Variants in EVI5 observed in about 807,000 individuals in gnomAD.
EVI5 encodes ecotropic viral integration site 5 protein homolog.
A neutral mutation model predicts 112.0 loss-of-function variants in EVI5; 73 were observed. That is an observed-to-expected ratio of 0.65 (90% CI 0.54 to 0.79). The LOEUF (loss-of-function observed/expected upper bound fraction) is 0.79, where lower values mean the gene tolerates loss of function less well. Ranked by LOEUF, EVI5 falls within the 30% of genes least tolerant of loss-of-function variation. EVI5 has a pLI of 0.00. For missense variants in EVI5, 900 were observed against 968.8 expected, an observed-to-expected ratio of 0.93 and a Z score of 0.94; for synonymous variants, 305 against 319.9, an observed-to-expected ratio of 0.95 and a Z score of 0.50.
At chr1:92,648,229 C>A (rs1427135170) in intron 13 of EVI5, among the ~76,000 whole-genome samples, 1 of 138,524 alleles carries the variant, frequency 7.2e-6, no homozygotes, top group Non-Finnish European at 1.6e-5. Context: ...CAAAAACCAG[C>A]CGGGCATGGT....
At position 92,607,567 on chromosome 1, in the gene EVI5, G is replaced by A; in HGVS notation, c.1974+14C>T. ...TATTGACAAAAAACAAAATCAGTTA[G>A]TTGACATATTTACCTTGCATTCAAT... On this transcript the variant is annotated intron_variant, in intron 17 of 19. Transcript: ENST00000684568. 3 of 1,537,254 alleles carry A rather than the reference G, an allele frequency of 2.0e-6. No individual in the cohort carries two copies. In the South Asian group the frequency reaches 3.8e-5, roughly 20 times the overall value.
rs1426285718 is a variant in EVI5, at chr1:92,676,049, C to T, written c.1158+1109G>A. ...AAAAAAAAAAAAAGGAAGGAAAAAACATCCACAGGGGTCTTTTCTATATAT... is the reference window on the plus strand; with the variant it reads ...AAAAAAAAAAAAAGGAAGGAAAAAATATCCACAGGGGTCTTTTCTATATAT... On this transcript the variant is annotated intron_variant, in intron 10 of 19. Coordinates refer to ENST00000684568, the MANE Select transcript of EVI5 (RefSeq NM_001350197.2). Among the ~76,000 whole-genome samples, 5 of 137,714 alleles carry T rather than the reference C, an allele frequency of 3.6e-5. No individual in the cohort carries two copies. In the East Asian group the frequency reaches 1.1e-3, roughly 30 times the overall value. The allele number at this position is 137,714 out of a possible 152,430, so 90.3% of individuals were successfully genotyped here. A position where few individuals can be genotyped will look rare whatever the true frequency, so the allele number is the denominator to read the frequency against.
chr1:92,673,514 T>C (rs1666217834), intron 10 of EVI5, among the ~76,000 whole-genome samples: 1 of 152,126 alleles, frequency 6.6e-6, no homozygotes, highest in African/African-American at 2.4e-5. Context: ...TTTTTTAAAA[T>C]TGAGATGGGG....
At chr1:92,655,647 C>A (rs1275905511) in intron 13 of EVI5, among the ~76,000 whole-genome samples, 6 of 152,104 alleles carry the variant, frequency 3.9e-5, no homozygotes, top group African/African-American at 7.2e-5. Context: ...CCCACACCAA[C>A]AGAAACCAAA....
intron 19 of EVI5, among the ~76,000 whole-genome samples, chr1:92,557,847 C>T (rs1014830224): frequency 4.6e-5 from 7 of 151,960 alleles, no homozygotes; most frequent in African/African-American, 1.7e-4. Context: ...ACCTCAGCTT[C>T]CCAAGTAGCT....
chr1:92,514,041 C>A, intron 19 of EVI5, 71 bp from the exon 20 acceptor site: 2 of 923,180 alleles, frequency 2.2e-6, no homozygotes, highest in Non-Finnish European at 3.3e-6. Context: ...GCAAACATTC[C>A]ATGTTTAAGG....
At chr1:92,716,324 A>T (rs1673679358) in intron 2 of EVI5, among the ~76,000 whole-genome samples, 1 of 152,182 alleles carries the variant, frequency 6.6e-6, no homozygotes, top group Non-Finnish European at 1.5e-5. Context: ...ACCCAGGCAA[A>T]CAGGGTCTGG....
chr1:92,554,958 C>T (rs1280046060), intron 19 of EVI5, among the ~76,000 whole-genome samples: 1 of 152,040 alleles, frequency 6.6e-6, no homozygotes, highest in Non-Finnish European at 1.5e-5. Context: ...TCCAGCTGGG[C>T]CACAGAGCAA....
rs890956089 is a variant in EVI5 at position 92,746,231 on chromosome 1, C to T, written c.-81-9604G>A. Among the ~76,000 whole-genome samples the T allele has an allele frequency of 5.9e-5, 9 of 152,322 alleles. 1 individual carries two copies. Among genetic ancestry groups the T allele is most frequent in the Admixed American group, 3.9e-4 (6 of 15,296 alleles). ...TCTGAACTTATTCTGGTTCTGAAGG[C>T]TGTCCGAGTTGTGAATCGTTCTTTG... On this transcript the variant is annotated intron_variant, in intron 1 of 19. Coordinates refer to ENST00000684568, the MANE Select transcript of EVI5 (RefSeq NM_001350197.2).
In EVI5 at chr1:92,596,383, CA is replaced by C. The variant is rs893111533; in HGVS notation, c.2070+8923del. On this transcript the variant is annotated intron_variant, in intron 18 of 19. Transcript: ENST00000684568. ...TTGAAAACAATAACAAAAATAGCAA[CA>C]AAAAAAACCCCAAAACCAATATCTC... Among the ~76,000 whole-genome samples the C allele has an allele frequency of 1.9e-4, 29 of 151,594 alleles. No individual in the cohort carries two copies. The East Asian group carries it at 2.5e-3, about 13-fold the overall frequency.
intron 18 of EVI5, among the ~76,000 whole-genome samples, chr1:92,588,624 T>C (rs1673190910): frequency 6.6e-6 from 1 of 152,240 alleles, no homozygotes; most frequent in Admixed American, 6.5e-5. Context: ...ATTTTTTTCA[T>C]CTAACTTCTC....
intron 13 of EVI5, chr1:92,647,278 G>C: frequency 5.2e-6 from 1 of 192,030 alleles, no homozygotes; most frequent in Non-Finnish European, 1.1e-5. Context: ...CAGCTTTTTT[G>C]CTACATCTCT....
intron 18 of EVI5, among the ~76,000 whole-genome samples, chr1:92,594,989 T>C (rs113880296): frequency 6.6e-6 from 1 of 152,174 alleles, no homozygotes; most frequent in South Asian, 2.1e-4. Context: ...AGTTCAACCA[T>C]TGTAGAAGTC....
intron 1 of EVI5, among the ~76,000 whole-genome samples, chr1:92,766,481 C>T (rs910698651): frequency 7.2e-5 from 11 of 152,054 alleles, no homozygotes; most frequent in African/African-American, 2.2e-4. Flanking sequence ...CACAATATAT[C>T]GAGCACTATG....
At chr1:92,689,316 T>C (rs1166171857) in intron 9 of EVI5, among the ~76,000 whole-genome samples, 1 of 152,002 alleles carries the variant, frequency 6.6e-6, no homozygotes, top group Non-Finnish European at 1.5e-5. Flanking sequence ...AAAAATTAAG[T>C]AGATTGGCAA....
intron 1 of EVI5, among the ~76,000 whole-genome samples, chr1:92,790,776 G>A (rs1452550628): frequency 5.4e-5 from 8 of 148,894 alleles, no homozygotes; most frequent in Non-Finnish European, 8.9e-5. Flanking sequence ...CTGACATCAC[G>A]CCAATGCACT....
chr1:92,602,554 A>G (rs1468938404), intron 18 of EVI5, among the ~76,000 whole-genome samples: 1 of 152,058 alleles, frequency 6.6e-6, no homozygotes, highest in Non-Finnish European at 1.5e-5. Flanking sequence ...GGAGTGTACT[A>G]TCATGCCCTC....
rs180724856 is a variant in EVI5, at chr1:92,523,525, C to T, written c.2167-9555G>A. 1.9e-3 allele frequency among the ~76,000 whole-genome samples: 294 copies of T among 152,044 alleles called. 1 individual carries two copies. The highest frequency in any genetic ancestry group is 6.8e-3 in the African/African-American group (282 of 41,454). On this transcript the variant is annotated intron_variant, in intron 19 of 19. Coordinates refer to ENST00000684568, the MANE Select transcript of EVI5 (RefSeq NM_001350197.2). ...TACGGGTATATAAAGTAAGTAAAAA[C>T]AAGTTTATGTTACAATCTTTGTTTC... is the stretch of plus-strand genomic sequence containing the variant.
chr1:92,519,622 GTGGC>G (rs1660532063), intron 19 of EVI5, among the ~76,000 whole-genome samples: 1 of 152,150 alleles, frequency 6.6e-6, no homozygotes, highest in Non-Finnish European at 1.5e-5. Context: ...GCCGGGTGCA[GTGGC>G]TCATGACTGT....
Sources: allele counts gnomAD v4.1 joint callset (sites outside exome capture counted in the v4.1 genomes callset), GRCh38; gene constraint gnomAD v4.1.1; transcripts MANE v1.5; gene names NCBI Gene and HGNC (gene_info 2026-07-23, HGNC 2026-07-21).